Variants in LDLRAD3 observed in about 807,000 individuals in gnomAD.
The protein encoded by LDLRAD3 is low-density lipoprotein receptor class A domain-containing protein 3.
In LDLRAD3, 20 loss-of-function variants were observed where a neutral mutation model predicts 29.4. That is an observed-to-expected ratio of 0.68 (90% CI 0.48 to 0.99). LDLRAD3 has a LOEUF of 0.99. Ranked by LOEUF, LDLRAD3 falls within the 50% of genes least tolerant of loss-of-function variation. The pLI is 0.00. For synonymous variants in LDLRAD3, 157 were observed against 192.7 expected, an observed-to-expected ratio of 0.81 and a Z score of 1.53; for missense variants, 420 against 454.3, an observed-to-expected ratio of 0.92 and a Z score of 0.69.
chr11:36,152,421 G>A (rs1047318751), intron 4 of LDLRAD3, among the ~76,000 whole-genome samples: 5 of 152,184 alleles, frequency 3.3e-5, no homozygotes, highest in African/African-American at 1.2e-4. Context: ...GCTCGTTAGC[G>A]ATAGGAATTG....
chr11:36,029,745 G>T (rs150379227), intron 1 of LDLRAD3, among the ~76,000 whole-genome samples: 84 of 152,126 alleles, frequency 5.5e-4, no homozygotes, highest in African/African-American at 1.8e-3. Context: ...TTACTAACTC[G>T]CTTTGTAAGA....
intron 1 of LDLRAD3, among the ~76,000 whole-genome samples, chr11:35,950,386 T>G (rs1441908887): frequency 1.3e-5 from 2 of 152,232 alleles, no homozygotes; most frequent in Non-Finnish European, 2.9e-5. Context: ...GATAAAATAC[T>G]GGTATACGTG....
At chr11:36,060,349 G>T (rs756287145) in intron 2 of LDLRAD3, among the ~76,000 whole-genome samples, 615 of 119,680 alleles carry the variant, frequency 5.1e-3, no homozygotes, top group Non-Finnish European at 7.6e-3. Context: ...GCAAGACTCT[G>T]TCTCAAAAAA....
intron 1 of LDLRAD3, among the ~76,000 whole-genome samples, chr11:36,018,447 C>G (rs1419125150): frequency 6.6e-6 from 1 of 152,128 alleles, no homozygotes; most frequent in Non-Finnish European, 1.5e-5. Context: ...TCATAATATG[C>G]ATTTTCACAA....
chr11:35,982,267 G>T (rs142535049), intron 1 of LDLRAD3, among the ~76,000 whole-genome samples: 1 of 152,028 alleles, frequency 6.6e-6, no homozygotes, highest in Non-Finnish European at 1.5e-5. Context: ...ACTCTTTGTC[G>T]TTCCTTGGGC....
At chr11:36,096,656 C>A (rs1050560531) in intron 3 of LDLRAD3, among the ~76,000 whole-genome samples, 1 of 152,252 alleles carries the variant, frequency 6.6e-6, no homozygotes, top group African/African-American at 2.4e-5. Flanking sequence ...AGATTAATGC[C>A]GTAAGTAGCA....
intron 2 of LDLRAD3, among the ~76,000 whole-genome samples, chr11:36,052,228 T>C (rs1231437446): frequency 6.6e-6 from 1 of 152,220 alleles, no homozygotes; most frequent in East Asian, 1.9e-4. Flanking sequence ...AAAAGCAAAC[T>C]GTTTTGAACA....
intron 4 of LDLRAD3, among the ~76,000 whole-genome samples, chr11:36,162,217 G>A (rs1270301369): frequency 6.6e-6 from 1 of 152,162 alleles, no homozygotes; most frequent in Non-Finnish European, 1.5e-5. Context: ...AGTTGGAGGA[G>A]CATCAAAGCT....
intron 4 of LDLRAD3, among the ~76,000 whole-genome samples, chr11:36,152,367 A>C (rs926267657): frequency 6.6e-6 from 1 of 152,226 alleles, no homozygotes; most frequent in East Asian, 1.9e-4. Flanking sequence ...CATTTTACAG[A>C]TGAGAAAACC....
chr11:36,007,251 G>T (rs575242796), intron 1 of LDLRAD3, among the ~76,000 whole-genome samples: 4 of 152,162 alleles, frequency 2.6e-5, no homozygotes, highest in Non-Finnish European at 4.4e-5. Context: ...GGTGTAATTC[G>T]CAGGAATGTG....
chr11:36,183,559 C>A (rs1854796752), intron 4 of LDLRAD3, among the ~76,000 whole-genome samples: 1 of 152,178 alleles, frequency 6.6e-6, no homozygotes, highest in African/African-American at 2.4e-5. Flanking sequence ...AACTTTACCA[C>A]CTAGATGTCA....
At chr11:35,975,980 C>G (rs945987324) in intron 1 of LDLRAD3, among the ~76,000 whole-genome samples, 1 of 151,776 alleles carries the variant, frequency 6.6e-6, no homozygotes, top group Non-Finnish European at 1.5e-5. Flanking sequence ...TAGAAGATAC[C>G]CTGGGCAGGT....
chr11:35,982,607 C>T (rs550958912), intron 1 of LDLRAD3, among the ~76,000 whole-genome samples: 1 of 152,160 alleles, frequency 6.6e-6, no homozygotes, highest in Non-Finnish European at 1.5e-5. Flanking sequence ...ACTGTGCATG[C>T]CCAGAAGGTG....
rs537248367 is a variant in LDLRAD3 at position 36,036,699 on chromosome 11, G to T, written c.193+450G>T. 4.6e-5 allele frequency among the ~76,000 whole-genome samples: 7 copies of T among 152,220 alleles called. No individual in the cohort carries two copies. The South Asian group carries it at 1.5e-3, about 32-fold the overall frequency. On this transcript the variant is annotated intron_variant, in intron 2 of 5. Transcript: ENST00000315571. Reference sequence around the variant, plus strand: ...GGAATTTTCTTGATGATTAAATGAGGCATAGCATCCTGCCAAGTATTCAGC... The same window carrying T: ...GGAATTTTCTTGATGATTAAATGAGTCATAGCATCCTGCCAAGTATTCAGC...
chr11:36,011,204 T>C (rs184861823), intron 1 of LDLRAD3, among the ~76,000 whole-genome samples: 1 of 152,332 alleles, frequency 6.6e-6, no homozygotes, highest in African/African-American at 2.4e-5. Context: ...TATAGCTCTT[T>C]AGGTGCACAC....
chr11:36,000,995 A>T (rs901341138), intron 1 of LDLRAD3: 10 of 152,292 alleles, frequency 6.6e-5, no homozygotes, highest in African/African-American at 2.4e-4. Flanking sequence ...CTTCACACTC[A>T]AGGAGTGTTG....
chr11:36,069,566 G>A (rs1223148549), intron 2 of LDLRAD3, among the ~76,000 whole-genome samples: 1 of 151,120 alleles, frequency 6.6e-6, no homozygotes, highest in East Asian at 1.9e-4. Context: ...ATTAGCCCTT[G>A]TCATTCTCAC....
chr11:36,033,632 C>G (rs1852268080), intron 1 of LDLRAD3, among the ~76,000 whole-genome samples: 1 of 152,212 alleles, frequency 6.6e-6, no homozygotes, highest in African/African-American at 2.4e-5. Flanking sequence ...GAAGAGTTCT[C>G]TGCTACAGAG....
chr11:36,035,092 G>C (rs74668416), intron 1 of LDLRAD3, among the ~76,000 whole-genome samples: 6,052 of 152,052 alleles, frequency 0.04, 181 homozygotes, highest in South Asian at 0.12. Context: ...CATAGCACAA[G>C]TATCTGGTCA....
Sources: allele counts gnomAD v4.1 joint callset (sites outside exome capture counted in the v4.1 genomes callset), GRCh38; gene constraint gnomAD v4.1.1; transcripts MANE v1.5; gene names NCBI Gene and HGNC (gene_info 2026-07-23, HGNC 2026-07-21).